Variants in FYB1 observed in about 807,000 individuals in gnomAD.
FYB1 encodes the protein FYN binding protein 1.
In FYB1, 41 loss-of-function variants were observed where a neutral mutation model predicts 94.1. That is an observed-to-expected ratio of 0.44 (90% CI 0.34 to 0.57). FYB1 has a LOEUF of 0.57. FYB1 is among the 20% of genes least tolerant of loss of function. The pLI is 0.02. For missense variants in FYB1, 1,050 were observed against 976.8 expected, an observed-to-expected ratio of 1.07 and a Z score of -1.00; for synonymous variants, 367 against 353.2, an observed-to-expected ratio of 1.04 and a Z score of -0.44.
At chr5:39,119,507 C>T in intron 15 of FYB1, 28 bp downstream of exon 15, 1 of 1,456,820 alleles carries the variant, frequency 6.9e-7, no homozygotes. Flanking sequence ...GTGCTTTGTA[C>T]TTTGTATAAT....
rs394930 is a variant in FYB1, at chr5:39,119,459, T to C, written c.2238+76A>G. The C allele has an allele frequency of 0.9, 965,034 of 1,068,180 alleles. 439,069 individuals are homozygous for C. Among genetic ancestry groups the C allele is most frequent in the Non-Finnish European group, 0.93 (734,866 of 789,760 alleles). The allele number at this position is 1,068,180 out of a possible 1,614,324, so 66.2% of individuals were successfully genotyped here. On this transcript the variant is annotated intron_variant, in intron 15 of 18. Transcript: ENST00000512982. ...AAAATCATTGGATTTTTCAATAGTG[T>C]TTTTTTTGTTACTTAAAAATCATTG...
upstream of FYB1, among the ~76,000 whole-genome samples, chr5:39,221,354 A>G (rs1750252020): frequency 1.3e-5 from 2 of 152,250 alleles, no homozygotes; most frequent in South Asian, 4.1e-4. Context: ...GGATTTTGCT[A>G]GATGGTTATA....
intron 1 of FYB1, among the ~76,000 whole-genome samples, chr5:39,227,071 T>C (rs1750504466): frequency 6.6e-6 from 1 of 152,232 alleles, no homozygotes; most frequent in Admixed American, 6.5e-5. Flanking sequence ...CCTGTTTTTG[T>C]TGCATCTCTG....
intron 2 of FYB1, among the ~76,000 whole-genome samples, chr5:39,181,985 G>C (rs1324474632): frequency 6.6e-6 from 1 of 152,066 alleles, no homozygotes; most frequent in Non-Finnish European, 1.5e-5. Flanking sequence ...CACATCTCTA[G>C]AACTTATTCA....
intron 10 of FYB1, among the ~76,000 whole-genome samples, chr5:39,129,497 A>G (rs1403441167): frequency 6.6e-6 from 1 of 152,098 alleles, no homozygotes; most frequent in African/African-American, 2.4e-5. Flanking sequence ...ATGGCAAAGC[A>G]ATCAACCAAC....
chr5:39,217,124 C>T (rs700191), intron 1 of FYB1, among the ~76,000 whole-genome samples: 1 of 152,088 alleles, frequency 6.6e-6, no homozygotes, highest in African/African-American at 2.4e-5. Context: ...AGAGAGCATT[C>T]CAACAATCAC....
chr5:39,148,401 TTTTTTTTTTTTTTTTTTA>T (rs1404360873), intron 3 of FYB1, among the ~76,000 whole-genome samples: 2 of 116,896 alleles, frequency 1.7e-5, no homozygotes, highest in Non-Finnish European at 3.6e-5. Flanking sequence ...TTTTTTTTTT[TTTTTTTTTTTTTTTTTTA>T]AAGAAGGAGG....
intron 1 of FYB1, among the ~76,000 whole-genome samples, chr5:39,266,295 A>T (rs1408144844): frequency 2.6e-5 from 4 of 152,206 alleles, no homozygotes; most frequent in African/African-American, 9.7e-5. Flanking sequence ...CCAACTCTGT[A>T]TCTTGACTGA....
At chr5:39,132,376 A>G (rs1360160064) in intron 9 of FYB1, among the ~76,000 whole-genome samples, 1 of 152,222 alleles carries the variant, frequency 6.6e-6, no homozygotes, top group Non-Finnish European at 1.5e-5. Flanking sequence ...GCAGTTTCAA[A>G]AATAAAACAT....
chr5:39,178,634 T>C (rs1041900426), intron 2 of FYB1, among the ~76,000 whole-genome samples: 5 of 152,152 alleles, frequency 3.3e-5, no homozygotes, highest in Non-Finnish European at 4.4e-5. Flanking sequence ...AATATCCAAA[T>C]AAAGTGGAAA....
rs770043614 is a variant in FYB1 at position 39,127,789 on chromosome 5, G to C, written c.1859C>G (p.Pro620Arg). The change falls in exon 11 of 19, where the codon CCA becomes CGA. Residue 620 changes from proline to arginine, a missense_variant. Coordinates refer to ENST00000512982, the MANE Select transcript of FYB1 (RefSeq NM_001465.6). ...AATCCCATCATAAATGTCATCATCT[G>C]GTGGTGGAGGGAATATCCCTTCATT... Reference protein sequence around the residue: ...SGSGGIFPPPPDDDIYDGIEE... With the variant: ...SGSGGIFPPPRDDDIYDGIEE... The C allele has an allele frequency of 6.9e-6, 11 of 1,603,166 alleles. No individual in the cohort carries two copies. The African/African-American group carries it at 1.1e-4, about 16-fold the overall frequency.
chr5:39,170,408 G>C (rs1745144252), intron 2 of FYB1: 1 of 534,098 alleles, frequency 1.9e-6, no homozygotes. Context: ...TCGCCGTCCT[G>C]GGCCGGACCC....
chr5:39,134,064 A>C, intron 9 of FYB1, 144 bp downstream of exon 9: 6 of 559,216 alleles, frequency 1.1e-5, no homozygotes, highest in Non-Finnish European at 1.6e-5. Flanking sequence ...CCTTTCACCC[A>C]TGTTGGGGTT....
intron 14 of FYB1, among the ~76,000 whole-genome samples, chr5:39,119,945 A>G (rs1303586924): frequency 1.3e-5 from 2 of 152,122 alleles, no homozygotes; most frequent in East Asian, 3.9e-4. Context: ...ATATGACTTA[A>G]TCTATTCTTA....
At chr5:39,147,452 C>CTGTGTGTGTGTGTGTGTG (rs71606520) in intron 3 of FYB1, among the ~76,000 whole-genome samples, 42 of 144,602 alleles carry the variant, frequency 2.9e-4, no homozygotes, top group African/African-American at 1.1e-3. Flanking sequence ...GTACATATGC[C>CTGTGTGTGTGTGTGTGTG]TGTGTGTGTG....
At chr5:39,157,874 A>G (rs975562085) in intron 2 of FYB1, among the ~76,000 whole-genome samples, 1 of 152,212 alleles carries the variant, frequency 6.6e-6, no homozygotes, top group African/African-American at 2.4e-5. Context: ...ATGGTTCAGC[A>G]GCAATGAGCT....
intron 7 of FYB1, among the ~76,000 whole-genome samples, chr5:39,135,816 CAT>C (rs1254319728): frequency 5.9e-5 from 9 of 152,016 alleles, no homozygotes; most frequent in African/African-American, 2.2e-4. Context: ...GCTCAGTTCT[CAT>C]ATTTATTTAA....
chr5:39,258,967 C>CA (rs1412604968), intron 1 of FYB1, among the ~76,000 whole-genome samples: 2 of 152,076 alleles, frequency 1.3e-5, no homozygotes, highest in East Asian at 3.9e-4. Flanking sequence ...CAGTAAGAGA[C>CA]ATGCTTTTCC....
chr5:39,222,089 C>T (rs575110212), upstream of FYB1, among the ~76,000 whole-genome samples: 4 of 152,236 alleles, frequency 2.6e-5, no homozygotes, highest in South Asian at 8.3e-4. Flanking sequence ...CACGCCCTGT[C>T]TTCATGGAAT....
Sources: gnomAD v4.1 joint callset for allele counts (sites outside exome capture counted in the v4.1 genomes callset) on GRCh38, gnomAD v4.1.1 for gene constraint, MANE v1.5 for transcripts, NCBI Gene and HGNC (gene_info 2026-07-23, HGNC 2026-07-21) for gene names.